TCF4: variants seen among roughly 807,000 people sequenced by gnomAD.
TCF4 encodes the protein SL3-3 enhancer factor 2.
TCF4 carries 3 observed loss-of-function variants against 82.1 expected under a neutral mutation model. The observed-to-expected ratio is 0.04, with a 90% CI of 0.02 to 0.09. The LOEUF is 0.09. TCF4 is among the 10% of genes least tolerant of loss of function. The pLI, the probability that TCF4 is intolerant of heterozygous loss-of-function variation, is 1.00. For missense variants in TCF4, 518 were observed against 852.7 expected (o/e 0.61, Z 4.89); for synonymous variants, 276 against 309.6 (o/e 0.89, Z 1.14).
chr18:55,353,975 T>A (rs968700689), intron 6 of TCF4, among the ~76,000 whole-genome samples: 1 of 152,184 alleles, frequency 6.6e-6, no homozygotes, highest in African/African-American at 2.4e-5. Flanking sequence ...AAGCTCATGT[T>A]CTGCGGTTAT....
At chr18:55,462,318 A>C (rs1024810071) in intron 4 of TCF4, among the ~76,000 whole-genome samples, 1 of 152,140 alleles carries the variant, frequency 6.6e-6, no homozygotes, top group Non-Finnish European at 1.5e-5. Context: ...ATCACTTATT[A>C]AGTGTCCTCA....
chr18:55,303,942 A>C (rs1027542919), intron 8 of TCF4, among the ~76,000 whole-genome samples: 2 of 152,304 alleles, frequency 1.3e-5, no homozygotes, highest in East Asian at 1.9e-4. Context: ...TCACCTCTTC[A>C]CTTCCAAAAA....
chr18:55,230,284 T>TTA (rs2144495643), intron 17 of TCF4: 1 of 152,288 alleles, frequency 6.6e-6, no homozygotes, highest in East Asian at 1.9e-4. Flanking sequence ...TTTCTGAGTG[T>TTA]TACAGTGACA....
At chr18:55,267,522 C>T (rs1390661072) in intron 11 of TCF4, 1 of 152,096 alleles carries the variant, frequency 6.6e-6, no homozygotes, top group Non-Finnish European at 1.5e-5. Context: ...AATACTAAGG[C>T]TTATTATGCT....
At chr18:55,596,979 T>C (rs1019442636) in intron 2 of TCF4, among the ~76,000 whole-genome samples, 1 of 152,172 alleles carries the variant, frequency 6.6e-6, no homozygotes, top group South Asian at 2.1e-4. Context: ...GGACTCCCCT[T>C]GCTGTTCTCA....
chr18:55,487,302 A>G (rs191789868), intron 3 of TCF4, among the ~76,000 whole-genome samples: 104 of 152,356 alleles, frequency 6.8e-4, no homozygotes, highest in African/African-American at 2.4e-3. Context: ...TCACACACAG[A>G]TATCAATCAA....
At chr18:55,282,154 A>G (rs1205641202) in intron 8 of TCF4, among the ~76,000 whole-genome samples, 2 of 152,096 alleles carry the variant, frequency 1.3e-5, no homozygotes, top group Admixed American at 6.5e-5. Context: ...GTTATTTTCA[A>G]GGTAAGATCT....
intron 5 of TCF4, among the ~76,000 whole-genome samples, chr18:55,419,824 G>A (rs535008999): frequency 2.0e-5 from 3 of 152,148 alleles, no homozygotes; most frequent in African/African-American, 4.8e-5. Flanking sequence ...TATGAGAAGC[G>A]ACTGAACGGG....
chr18:55,363,260 G>GA (rs957253446), intron 6 of TCF4, among the ~76,000 whole-genome samples: 13 of 150,628 alleles, frequency 8.6e-5, no homozygotes, highest in South Asian at 2.1e-4. Flanking sequence ...GGCTGTCATT[G>GA]AAAAAAAAAT....
chr18:55,232,797 C>A, intron 16 of TCF4, 126 bp from the exon 17 acceptor site: 1 of 1,258,606 alleles, frequency 7.9e-7, no homozygotes. Context: ...TTTTTTTCCC[C>A]CTGCTATCTG....
intron 8 of TCF4, among the ~76,000 whole-genome samples, chr18:55,298,868 A>T (rs2067279163): frequency 6.6e-6 from 1 of 151,314 alleles, no homozygotes; most frequent in African/African-American, 2.4e-5. Context: ...TGGAGCAAAG[A>T]AAAAAAAACT....
intron 3 of TCF4, among the ~76,000 whole-genome samples, chr18:55,467,553 C>T (rs928648220): frequency 1.3e-5 from 2 of 152,086 alleles, no homozygotes; most frequent in Admixed American, 1.3e-4. Flanking sequence ...AAATGCATGC[C>T]CCACACCACC....
intron 2 of TCF4, among the ~76,000 whole-genome samples, chr18:55,625,139 A>C (rs554814634): frequency 6.6e-6 from 1 of 152,316 alleles, no homozygotes; most frequent in Admixed American, 6.5e-5. Flanking sequence ...AATAGTTTGG[A>C]GTATCAATTA....
intron 6 of TCF4, chr18:55,402,378 T>G: frequency 4.3e-6 from 1 of 235,290 alleles, no homozygotes; most frequent in Non-Finnish European, 6.9e-6. Flanking sequence ...GCTTACATTT[T>G]TCAGGGGTAT....
At chr18:55,394,857 C>T (rs1425743380) in intron 6 of TCF4, among the ~76,000 whole-genome samples, 1 of 152,190 alleles carries the variant, frequency 6.6e-6, no homozygotes, top group African/African-American at 2.4e-5. Context: ...ACAGAGCGCA[C>T]ACAATTTTTC....
chr18:55,537,134 G>GAAAAAAAAAAAAAAAAAAAAAAAA (rs1568343265), intron 3 of TCF4, among the ~76,000 whole-genome samples: 1 of 113,200 alleles, frequency 8.8e-6, no homozygotes. Flanking sequence ...ACTCCGTCTC[G>GAAAAAAAAAAAAAAAAAAAAAAAA]GAAAAAAAAA....
chr18:55,366,143 G>C lies in TCF4; in HGVS notation c.370-15140C>G, dbSNP rs530323524. 3.4e-4 allele frequency among the ~76,000 whole-genome samples: 52 copies of C among 152,154 alleles called. 1 individual carries two copies. The highest frequency in any genetic ancestry group is 3.4e-4 in the Non-Finnish European group (23 of 67,988). The stretch of plus-strand genomic sequence containing the variant: ...GAGGGGTTTAAAAACCATGAAAAGT[G>C]ATTCTTGATTTATTTGTTATTTGGC... On this transcript the variant is annotated intron_variant, in intron 6 of 19. Coordinates refer to ENST00000354452, the MANE Select transcript of TCF4 (RefSeq NM_001083962.2).
At chr18:55,499,605 G>C (rs1033803405) in intron 3 of TCF4, among the ~76,000 whole-genome samples, 1 of 152,158 alleles carries the variant, frequency 6.6e-6, no homozygotes, top group Non-Finnish European at 1.5e-5. Context: ...ATTTAATTGG[G>C]GGTGGGGTCA....
chr18:55,323,385 A>G (rs1197119540), intron 8 of TCF4, among the ~76,000 whole-genome samples: 1 of 152,196 alleles, frequency 6.6e-6, no homozygotes, highest in Non-Finnish European at 1.5e-5. Flanking sequence ...TTAATAAACA[A>G]GGAGGAATAG....
Sources: gnomAD v4.1 joint callset for allele counts (sites outside exome capture counted in the v4.1 genomes callset) on GRCh38, gnomAD v4.1.1 for gene constraint, MANE v1.5 for transcripts, NCBI Gene and HGNC (gene_info 2026-07-23, HGNC 2026-07-21) for gene names.